The following OR2L2 variants were observed in gnomAD, a reference collection of about 807,000 sequenced individuals.
OR2L2 encodes the protein olfactory receptor 2L2.
For synonymous variants in OR2L2, 156 were observed against 135.4 expected, an observed-to-expected ratio of 1.15 and a Z score of -1.06; for missense variants, 378 against 375.2, an observed-to-expected ratio of 1.01 and a Z score of -0.06.
chr1:248,030,591 T>C (rs2103087175), intron 1 of OR2L2, among the ~76,000 whole-genome samples: 1 of 152,190 alleles, frequency 6.6e-6, no homozygotes, highest in East Asian at 1.9e-4. Context: ...ACCTACTTGG[T>C]TGGTGTTTTG....
At chr1:248,037,523 T>A (rs537638725) in intron 2 of OR2L2, among the ~76,000 whole-genome samples, 1 of 152,304 alleles carries the variant, frequency 6.6e-6, no homozygotes, top group East Asian at 1.9e-4. Context: ...AAATGATTTT[T>A]CCTATAAATG....
chr1:248,041,580 G>A lies in OR2L2; in HGVS notation c.*2374G>A, dbSNP rs1260329258. 2.0e-5 allele frequency: 3 copies of A among 152,066 alleles called. No homozygotes were observed. The highest frequency in any genetic ancestry group is 2.9e-5 in the Non-Finnish European group (2 of 68,010). The allele number at this position is 152,066 out of a possible 1,614,324, so 9.4% of individuals were successfully genotyped here. ...CATCAGAGTGAACAGGCAACCTACA[G>A]AATGGGAGAAAATTTTTGCAACCTA... On this transcript the variant is annotated 3_prime_UTR_variant, in exon 3 of 3. Coordinates refer to ENST00000641771, the MANE Select transcript of OR2L2 (RefSeq NM_001385855.1).
chr1:248,034,394 G>C (rs914640372), intron 1 of OR2L2, among the ~76,000 whole-genome samples: 24 of 151,936 alleles, frequency 1.6e-4, no homozygotes, highest in African/African-American at 5.6e-4. Flanking sequence ...TTTAAAATCA[G>C]AAAGTATCAG....
Position 248,039,764 on chromosome 1 carries a change from A to G in OR2L2, c.*558A>G, listed in dbSNP as rs1190110242. Reference sequence around the variant, plus strand: ...TATAAAAATAAGACAAAAATAACAAATTAGTTAAAATTACTGAATCTAATT... The same window carrying G: ...TATAAAAATAAGACAAAAATAACAAGTTAGTTAAAATTACTGAATCTAATT... On this transcript the variant is annotated 3_prime_UTR_variant, in exon 3 of 3. Coordinates refer to ENST00000641771, the MANE Select transcript of OR2L2 (RefSeq NM_001385855.1). The G allele has an allele frequency of 2.6e-5, 4 of 152,214 alleles. No homozygotes were observed. Among genetic ancestry groups the G allele is most frequent in the African/African-American group, 4.8e-5 (2 of 41,438 alleles). The allele number at this position is 152,214 out of a possible 1,614,324, so 9.4% of individuals were successfully genotyped here.
intron 1 of OR2L2, among the ~76,000 whole-genome samples, chr1:248,031,311 T>C (rs1662614857): frequency 6.6e-6 from 1 of 152,220 alleles, no homozygotes; most frequent in Non-Finnish European, 1.5e-5. Flanking sequence ...AGATGCTACA[T>C]TGGTGTTCAT....
Position 248,041,259 on chromosome 1 carries a change from A to G in OR2L2, c.*2053A>G, listed in dbSNP as rs1662943023. On this transcript the variant is annotated 3_prime_UTR_variant, in exon 3 of 3. Transcript: ENST00000641771. ...ACCTGAGAAAAACAAGCAATGGGGA[A>G]AGGATTCCCTATTTAATAAATGGTG... The G allele has an allele frequency of 6.6e-6, 1 of 152,164 alleles. No individual in the cohort carries two copies. Among genetic ancestry groups the G allele is most frequent in the Non-Finnish European group, 1.5e-5 (1 of 68,022 alleles). The allele number at this position is 152,164 out of a possible 1,614,324, so 9.4% of individuals were successfully genotyped here. A position where few individuals can be genotyped will look rare whatever the true frequency, so the allele number is the denominator to read the frequency against.
chr1:248,039,106 T>C lies in OR2L2; in HGVS notation c.839T>C (p.Leu280Pro), dbSNP rs766594213. 6.2e-7 allele frequency: 1 copy of C among 1,614,112 alleles called. No homozygotes were observed. The highest frequency in any genetic ancestry group is 1.1e-5 in the South Asian group (1 of 91,070). ...ATTCTGGCTGTTTTCTACACCATCC[T>C]CACCCCAATGCTCAACCCCATCATC... ...DKILAVFYTI[L>P]TPMLNPIIYS... The change falls in exon 3 of 3, where the codon CTC becomes CCC. Residue 280 changes from leucine to proline, a missense_variant. Physicochemically the swap from Leu to Pro is moderately conservative, Grantham distance 98 (BLOSUM62 -3). Transcript: ENST00000641771.
Position 248,038,265 on chromosome 1 carries a change from C to G in OR2L2, c.-3C>G, listed in dbSNP as rs780786346. ...CCTTCAGGATGGATTGTAGGAATTC[C>G]CCATGGAAAATTACAATCAAACATC... On this transcript the variant is annotated 5_prime_UTR_variant, in exon 3 of 3. Coordinates refer to ENST00000641771, the MANE Select transcript of OR2L2 (RefSeq NM_001385855.1). The G allele has an allele frequency of 5.0e-6, 8 of 1,591,916 alleles. No individual in the cohort carries two copies. In the Admixed American group the frequency reaches 8.4e-5, roughly 17 times the overall value.
At chr1:248,030,523 A>G (rs376823354) in intron 1 of OR2L2, among the ~76,000 whole-genome samples, 75 of 152,344 alleles carry the variant, frequency 4.9e-4, no homozygotes, top group African/African-American at 1.6e-3. Flanking sequence ...CATGGGCTCA[A>G]GTGAAATTAA....
rs751656729 is a variant in OR2L2 at position 248,038,363 on chromosome 1, C to G, written c.96C>G (p.Leu32=). The stretch of plus-strand genomic sequence containing the variant: ...TTTTCGTATTCACCCTCATTTTTCT[C>G]ATTTTCCTAATGGCTCTAATTGGAA... ...IGLFVFTLIF[L]IFLMALIGNL... Residue 32 remains leucine (L), a synonymous_variant, in exon 3 of 3, where the codon CTC becomes CTG. Coordinates refer to ENST00000641771, the MANE Select transcript of OR2L2 (RefSeq NM_001385855.1). 6.2e-7 allele frequency: 1 copy of G among 1,613,516 alleles called. No homozygotes were observed. The highest frequency in any genetic ancestry group is 8.5e-7 in the Non-Finnish European group (1 of 1,179,480).
chr1:248,034,368 G>C (rs1403445452), intron 1 of OR2L2, among the ~76,000 whole-genome samples: 1 of 152,128 alleles, frequency 6.6e-6, no homozygotes, highest in Non-Finnish European at 1.5e-5. Flanking sequence ...AACAAATCTG[G>C]AGGCGTTTGG....
In OR2L2 at chr1:248,041,510, A is replaced by G. The variant is rs1235261348; in HGVS notation, c.*2304A>G. 2 of 152,142 alleles carry G rather than the reference A, an allele frequency of 1.3e-5. No individual in the cohort carries two copies. Among genetic ancestry groups the G allele is most frequent in the African/African-American group, 4.8e-5 (2 of 41,366 alleles). 9.4% of individuals were successfully genotyped at this position (152,142 alleles called of 1,614,324 possible). ...CAACAAAAGCCAAAATTGACAATTG[A>G]GATCTAATTAAACTAAAGAGCTTCT... On this transcript the variant is annotated 3_prime_UTR_variant, in exon 3 of 3. Transcript: ENST00000641771.
intron 1 of OR2L2, among the ~76,000 whole-genome samples, chr1:248,031,101 C>T (rs988241177): frequency 7.9e-5 from 12 of 152,226 alleles, no homozygotes; most frequent in African/African-American, 2.4e-5. Flanking sequence ...AGGGACAGAA[C>T]CCACGTGGAT....
chr1:248,033,369 G>A (rs908040597), intron 1 of OR2L2, among the ~76,000 whole-genome samples: 1 of 151,984 alleles, frequency 6.6e-6, no homozygotes, highest in African/African-American at 2.4e-5. Context: ...TGGTTTGCTT[G>A]CCAAAAAAAT....
intron 2 of OR2L2, among the ~76,000 whole-genome samples, chr1:248,037,676 T>C (rs1662801692): frequency 6.6e-6 from 1 of 152,210 alleles, no homozygotes; most frequent in Non-Finnish European, 1.5e-5. Context: ...ATTCACAGCC[T>C]TACTAAACTA....
chr1:248,033,609 GT>G (rs61098243), intron 1 of OR2L2, among the ~76,000 whole-genome samples: 117,856 of 136,122 alleles, frequency 0.87, 51,292 homozygotes, highest in South Asian at 0.93. Context: ...GCTAATTTTT[GT>G]TTTTTTTTTT....
rs966276813 is a variant in OR2L2, at chr1:248,039,929, G to A, written c.*723G>A. On this transcript the variant is annotated 3_prime_UTR_variant, in exon 3 of 3. Coordinates refer to ENST00000641771, the MANE Select transcript of OR2L2 (RefSeq NM_001385855.1). Reference sequence around the variant, plus strand: ...AGCCAATTTGGCTTTAGAAAAACAAGAGTTTCTGTATAAGAAGTTCTATAG... The same window carrying A: ...AGCCAATTTGGCTTTAGAAAAACAAAAGTTTCTGTATAAGAAGTTCTATAG... The A allele has an allele frequency of 6.6e-6, 1 of 152,164 alleles. No individual in the cohort carries two copies. Among genetic ancestry groups the A allele is most frequent in the Non-Finnish European group, 1.5e-5 (1 of 68,044 alleles). The allele number at this position is 152,164 out of a possible 1,614,324, so 9.4% of individuals were successfully genotyped here. A position where few individuals can be genotyped will look rare whatever the true frequency, so the allele number is the denominator to read the frequency against.
chr1:248,038,609 G>A lies in OR2L2; in HGVS notation c.342G>A (p.Leu114=). Reference sequence around the variant, plus strand: ...TAGCAGTTGCAGAAGGGCTGCTCCTGACATCAATGGCCTATGATCGTTATG... The same window carrying A: ...TAGCAGTTGCAGAAGGGCTGCTCCTAACATCAATGGCCTATGATCGTTATG... ...LTLAVAEGLL[L]TSMAYDRYVA... Residue 114 remains leucine, a synonymous_variant, in exon 3 of 3, where the codon CTG becomes CTA. Transcript: ENST00000641771. 6.2e-7 allele frequency: 1 copy of A among 1,614,150 alleles called. No individual in the cohort carries two copies. Among genetic ancestry groups the A allele is most frequent in the Non-Finnish European group, 8.5e-7 (1 of 1,180,024 alleles).
chr1:248,031,420 C>A (rs1001515540), intron 1 of OR2L2, among the ~76,000 whole-genome samples: 6 of 152,176 alleles, frequency 3.9e-5, no homozygotes, highest in Admixed American at 3.9e-4. Context: ...ACTTTTTCTT[C>A]CAAGCTTAGC....
Sources: gnomAD v4.1 joint callset for allele counts (sites outside exome capture counted in the v4.1 genomes callset) on GRCh38, gnomAD v4.1.1 for gene constraint, MANE v1.5 for transcripts, NCBI Gene and HGNC (gene_info 2026-07-23, HGNC 2026-07-21) for gene names.